The following KALRN variants were observed in gnomAD, a reference collection of about 807,000 sequenced individuals.
KALRN encodes kalirin RhoGEF kinase.
KALRN carries 70 observed loss-of-function variants against 353.7 expected under a neutral mutation model. That is an observed-to-expected ratio of 0.20 (90% CI 0.16 to 0.24). The LOEUF is 0.24. KALRN is among the 10% of genes least tolerant of loss of function. The probability of loss-of-function intolerance (pLI) is 1.00; values close to 1 mark genes in which losing one functional copy is unlikely to be tolerated. For synonymous variants in KALRN, 1,391 were observed against 1,434.8 expected (o/e 0.97, Z 0.69); for missense variants, 2,791 against 3,756.7 (o/e 0.74, Z 6.72).
chr3:124,109,348 T>C (rs1308246036), intron 1 of KALRN, among the ~76,000 whole-genome samples: 1 of 152,082 alleles, frequency 6.6e-6, no homozygotes, highest in African/African-American at 2.4e-5. Flanking sequence ...GTTTATTCTC[T>C]TTTTAGCTGT....
At chr3:124,428,253 G>A (rs2093115890) in intron 15 of KALRN, among the ~76,000 whole-genome samples, 1 of 152,134 alleles carries the variant, frequency 6.6e-6, no homozygotes, top group Admixed American at 6.6e-5. Flanking sequence ...ATCAGAATAT[G>A]CCAGTAAGCT....
chr3:124,691,862 C>A (rs2061831692), intron 51 of KALRN, among the ~76,000 whole-genome samples: 1 of 152,192 alleles, frequency 6.6e-6, no homozygotes, highest in African/African-American at 2.4e-5. Flanking sequence ...CAACCCTTTA[C>A]ATCCTTCCCC....
chr3:124,702,713 C>T (rs1433144755), intron 57 of KALRN, among the ~76,000 whole-genome samples: 2 of 152,068 alleles, frequency 1.3e-5, no homozygotes, highest in African/African-American at 4.8e-5. Flanking sequence ...CTCTATATTG[C>T]CCGTGTACCA....
chr3:124,283,102 T>C (rs986418924), intron 5 of KALRN, among the ~76,000 whole-genome samples: 10 of 152,222 alleles, frequency 6.6e-5, no homozygotes, highest in Non-Finnish European at 8.8e-5. Context: ...CTTAGCCTCA[T>C]GTGGAGCTTT....
rs561318495 is a variant in KALRN, at chr3:124,555,339, G to A, written c.4936-7504G>A. Among the ~76,000 whole-genome samples the A allele has an allele frequency of 2.6e-5, 4 of 151,996 alleles. No homozygotes were observed. The East Asian group carries it at 7.7e-4, about 29-fold the overall frequency. The stretch of plus-strand genomic sequence containing the variant: ...GAGGTCAGGAGAATGGCGTGCACCC[G>A]GAAGGCAGAGCTTGCAGTGAGCGGA... On this transcript the variant is annotated intron_variant, in intron 33 of 59. Transcript: ENST00000682506.
At chr3:124,080,283 G>A (rs2060475962) in intron 1 of KALRN, among the ~76,000 whole-genome samples, 2 of 152,306 alleles carry the variant, frequency 1.3e-5, no homozygotes, top group South Asian at 2.1e-4. Context: ...AAGCAAGGCT[G>A]TACTTTAGAA....
At chr3:124,541,196 TC>T (rs1410340262) in intron 33 of KALRN, among the ~76,000 whole-genome samples, 3 of 152,198 alleles carry the variant, frequency 2.0e-5, no homozygotes, top group Admixed American at 1.3e-4. Context: ...ACGCCTGTAA[TC>T]CCAGCACTTT....
chr3:124,499,194 T>C (rs528218417), intron 33 of KALRN, among the ~76,000 whole-genome samples: 2 of 152,126 alleles, frequency 1.3e-5, no homozygotes, highest in East Asian at 3.9e-4. Flanking sequence ...ACACACCAAC[T>C]TGGGGAGCTG....
intron 5 of KALRN, among the ~76,000 whole-genome samples, chr3:124,279,011 G>A (rs2075074465): frequency 6.6e-6 from 1 of 151,944 alleles, no homozygotes; most frequent in Non-Finnish European, 1.5e-5. Flanking sequence ...CCCTGTCCTG[G>A]CATCTCCTCA....
intron 1 of KALRN, among the ~76,000 whole-genome samples, chr3:124,155,039 G>C (rs2068771940): frequency 6.6e-6 from 1 of 152,284 alleles, no homozygotes; most frequent in Non-Finnish European, 1.5e-5. Context: ...ATGGTGCTGG[G>C]AAAACTGGCT....
chr3:124,658,309 C>T (rs1055893510), intron 41 of KALRN, 122 bp from the exon 42 acceptor site: 2 of 758,958 alleles, frequency 2.6e-6, no homozygotes, highest in Non-Finnish European at 4.7e-6. Flanking sequence ...TATTCAGCTG[C>T]CTTGGTGCGT....
At chr3:124,246,054 G>T (rs1342590523) in intron 3 of KALRN, among the ~76,000 whole-genome samples, 2 of 152,000 alleles carry the variant, frequency 1.3e-5, no homozygotes, top group African/African-American at 4.8e-5. Context: ...CTTTTTATTG[G>T]CTGACTAGTA....
chr3:124,623,872 A>G (rs2149719017), intron 34 of KALRN, among the ~76,000 whole-genome samples: 1 of 152,338 alleles, frequency 6.6e-6, no homozygotes, highest in Non-Finnish European at 1.5e-5. Flanking sequence ...GGATATGTTC[A>G]GTGCACAAGC....
chr3:124,064,717 CT>C (rs2042218175), intron 1 of KALRN, among the ~76,000 whole-genome samples: 1 of 152,176 alleles, frequency 6.6e-6, no homozygotes, highest in Admixed American at 6.5e-5. Context: ...TTTAGGACAG[CT>C]TTTTGGTTTG....
intron 10 of KALRN, among the ~76,000 whole-genome samples, chr3:124,373,792 C>A (rs989144600): frequency 2.6e-5 from 4 of 152,176 alleles, no homozygotes; most frequent in African/African-American, 9.7e-5. Context: ...ATATCTGCAA[C>A]AACGTTATTT....
At chr3:124,099,182 C>T (rs1210627884) in intron 1 of KALRN, among the ~76,000 whole-genome samples, 1 of 152,200 alleles carries the variant, frequency 6.6e-6, no homozygotes, top group Non-Finnish European at 1.5e-5. Flanking sequence ...TGTCACCCCA[C>T]TGTGCTATCA....
At position 124,645,663 on chromosome 3, in the gene KALRN, C is replaced by T. The variant is rs71618094; in HGVS notation, c.5665-5145C>T. Among the ~76,000 whole-genome samples the T allele has an allele frequency of 2.5e-3, 377 of 148,006 alleles. 1 individual carries two copies. The highest frequency in any genetic ancestry group is 7.5e-3 in the African/African-American group (302 of 40,218). ...CTCTCTCTCTCTCTCTCTCTCTGTG[C>T]GTGTGTGTGTGTGTGTATCACAGTT... On this transcript the variant is annotated intron_variant, in intron 37 of 59. Transcript: ENST00000682506.
chr3:124,706,601 G>A lies in KALRN; in HGVS notation c.8075+4485G>A, dbSNP rs545508554. On this transcript the variant is annotated intron_variant, in intron 57 of 59. Transcript: ENST00000682506. ...TTTTTTTTTTTTGAGACAGAGTCTC[G>A]CTCTGTCTCCCAGGCTGGAGTGCAG... 4.0e-5 allele frequency among the ~76,000 whole-genome samples: 6 copies of A among 149,920 alleles called. No individual in the cohort carries two copies. The South Asian group carries it at 6.4e-4, about 16-fold the overall frequency.
intron 1 of KALRN, among the ~76,000 whole-genome samples, chr3:124,071,468 C>G (rs1317230482): frequency 6.6e-6 from 1 of 152,068 alleles, no homozygotes; most frequent in Non-Finnish European, 1.5e-5. Context: ...GCAACTCAAC[C>G]CAAAAGAGGA....
Sources: gnomAD v4.1 joint callset for allele counts (sites outside exome capture counted in the v4.1 genomes callset) on GRCh38, gnomAD v4.1.1 for gene constraint, MANE v1.5 for transcripts, NCBI Gene and HGNC (gene_info 2026-07-23, HGNC 2026-07-21) for gene names.